The following FBXL2 variants were observed in gnomAD, a reference collection of about 807,000 sequenced individuals.
FBXL2 encodes F-box and leucine rich repeat protein 2.
A neutral mutation model predicts 69.2 loss-of-function variants in FBXL2; 38 were observed. The observed-to-expected ratio is 0.55, with a 90% CI of 0.42 to 0.72. The LOEUF is 0.72. Among genes scored for constraint, FBXL2 ranks in the 30% least tolerant of loss-of-function variants. The pLI, the probability that FBXL2 is intolerant of heterozygous loss-of-function variation, is 0.00. For synonymous variants in FBXL2, 192 were observed against 201.3 expected, an observed-to-expected ratio of 0.95 and a Z score of 0.39; for missense variants, 354 against 520.3, an observed-to-expected ratio of 0.68 and a Z score of 3.11.
At chr3:33,411,587 G>A in the FBXL2 span, 92 of 1,614,008 alleles carry the variant, frequency 5.7e-5, 1 homozygote, top group South Asian at 9.8e-4. Flanking sequence ...AAACCTGAAT[G>A]AAAGCAGAGG....
At chr3:33,359,413 C>A in intron 4 of FBXL2, 56 bp downstream of exon 4, 1 of 1,243,128 alleles carries the variant, frequency 8.0e-7, no homozygotes, top group East Asian at 2.4e-5. Context: ...TAGCTGTTCC[C>A]CCTTTCCTGA....
Position 33,374,505 on chromosome 3 carries a change from G to A in FBXL2, c.657+584G>A, listed in dbSNP as rs17030484. ...GGAACATAGATTTTGAGAAAGGTAAGGGAAAACCCTTGCATTCAGCTTTAA... is the reference window on the plus strand; with the variant it reads ...GGAACATAGATTTTGAGAAAGGTAAAGGAAAACCCTTGCATTCAGCTTTAA... On this transcript the variant is annotated intron_variant, in intron 9 of 14. Transcript: ENST00000484457. Among the ~76,000 whole-genome samples, 868 of 152,288 alleles carry A rather than the reference G, an allele frequency of 5.7e-3. 7 individuals carry two copies. Among genetic ancestry groups the A allele is most frequent in the African/African-American group, 0.019 (806 of 41,546 alleles).
At chr3:33,289,971 T>C (rs911971058) in intron 1 of FBXL2, among the ~76,000 whole-genome samples, 2 of 152,162 alleles carry the variant, frequency 1.3e-5, no homozygotes, top group Non-Finnish European at 2.9e-5. Flanking sequence ...CAAGCCAGCC[T>C]TTGAGAAGGC....
At chr3:33,295,659 A>G (rs1371461311) in intron 1 of FBXL2, among the ~76,000 whole-genome samples, 2 of 152,200 alleles carry the variant, frequency 1.3e-5, no homozygotes, top group Non-Finnish European at 2.9e-5. Context: ...AGGAACTGCC[A>G]GATTGTTTTC....
At chr3:33,315,506 T>G (rs957377406) in intron 2 of FBXL2, among the ~76,000 whole-genome samples, 3 of 152,098 alleles carry the variant, frequency 2.0e-5, no homozygotes, top group Non-Finnish European at 4.4e-5. Context: ...ATCTTAGTAT[T>G]AACTGTGAAC....
rs1229963962 is a variant in FBXL2, at chr3:33,385,397, A to C, written c.1165-104A>C. ...TATAGCATAAATTCTACTTCAACTA[A>C]GGTGAAGATTTTTAATAGAGGACTA... On this transcript the variant is annotated intron_variant, in intron 14 of 14. Coordinates refer to ENST00000484457, the MANE Select transcript of FBXL2 (RefSeq NM_012157.5). 4.9e-6 allele frequency: 5 copies of C among 1,019,004 alleles called. No individual in the cohort carries two copies. In the East Asian group the frequency reaches 1.2e-4, roughly 24 times the overall value. The allele number at this position is 1,019,004 out of a possible 1,614,324, so 63.1% of individuals were successfully genotyped here.
At chr3:33,301,657 C>A (rs1487360519) in intron 2 of FBXL2, among the ~76,000 whole-genome samples, 1 of 152,092 alleles carries the variant, frequency 6.6e-6, no homozygotes, top group Non-Finnish European at 1.5e-5. Flanking sequence ...AGCTCTTGCT[C>A]ATAAATTAAG....
intron 2 of FBXL2, among the ~76,000 whole-genome samples, chr3:33,306,336 A>C (rs1271146221): frequency 2.6e-5 from 4 of 152,134 alleles, no homozygotes; most frequent in African/African-American, 9.6e-5. Context: ...CCTTGTAGAC[A>C]CCACGTAAGT....
intron 1 of FBXL2, among the ~76,000 whole-genome samples, chr3:33,287,771 C>T (rs1262773903): frequency 6.6e-6 from 1 of 152,202 alleles, no homozygotes; most frequent in Non-Finnish European, 1.5e-5. Context: ...GGCTCTTAAC[C>T]ATTACATTAT....
At chr3:33,402,006 C>T (rs1559673542) in intron 12 of FBXL2, among the ~76,000 whole-genome samples, 1 of 151,852 alleles carries the variant, frequency 6.6e-6, no homozygotes, top group East Asian at 1.9e-4. Context: ...TCCATCTCCT[C>T]AGGGGGAGAG....
At chr3:33,292,667 A>G (rs1321648931) in intron 1 of FBXL2, among the ~76,000 whole-genome samples, 1 of 152,162 alleles carries the variant, frequency 6.6e-6, no homozygotes, top group African/African-American at 2.4e-5. Context: ...CCTCCTTATT[A>G]GTAATTACTA....
At chr3:33,319,731 A>G (rs1186196476) in intron 2 of FBXL2, among the ~76,000 whole-genome samples, 1 of 152,188 alleles carries the variant, frequency 6.6e-6, no homozygotes, top group Non-Finnish European at 1.5e-5. Context: ...TATTTTTTTA[A>G]AAAATTGAAA....
At chr3:33,378,307 G>A (rs553428984) in intron 12 of FBXL2, among the ~76,000 whole-genome samples, 160 bp downstream of exon 12, 15 of 152,316 alleles carry the variant, frequency 9.8e-5, no homozygotes, top group Admixed American at 9.8e-4. Context: ...CAGTGGATGC[G>A]TGAACTTTTG....
At chr3:33,329,395 A>G (rs2038974793) in intron 2 of FBXL2, among the ~76,000 whole-genome samples, 1 of 152,172 alleles carries the variant, frequency 6.6e-6, no homozygotes, top group South Asian at 2.1e-4. Flanking sequence ...CTACCATGTG[A>G]TCCAGTAATT....
intron 2 of FBXL2, among the ~76,000 whole-genome samples, chr3:33,326,474 C>A (rs1411755641): frequency 1.3e-5 from 2 of 151,338 alleles, no homozygotes; most frequent in African/African-American, 2.4e-5. Context: ...CCACTGCACT[C>A]CAGCCTGGGC....
chr3:33,280,257 G>T lies in FBXL2; in HGVS notation c.3+2742G>T, dbSNP rs1438051539. The stretch of plus-strand genomic sequence containing the variant: ...GAGTTTCTCCTGTCACATCAGTTCA[G>T]TTAAGGAATTGGCATCCGCTTTTTG... On this transcript the variant is annotated intron_variant, in intron 1 of 14. Transcript: ENST00000484457. Among the ~76,000 whole-genome samples, 6 of 152,212 alleles carry T rather than the reference G, an allele frequency of 3.9e-5. No homozygotes were observed. In the East Asian group the frequency reaches 1.2e-3, roughly 29 times the overall value.
At chr3:33,406,601 A>G (rs1413755968), downstream of FBXL2, among the ~76,000 whole-genome samples, 2 of 152,228 alleles carry the variant, frequency 1.3e-5, no homozygotes, top group African/African-American at 4.8e-5. Context: ...ATGTAGAAAC[A>G]CCAAGTTTAC....
intron 2 of FBXL2, among the ~76,000 whole-genome samples, chr3:33,300,131 G>A (rs2036138073): frequency 6.6e-6 from 1 of 152,068 alleles, no homozygotes; most frequent in South Asian, 2.1e-4. Flanking sequence ...AAACATTAGG[G>A]TGTGATTAAA....
At chr3:33,404,433 A>G (rs1453283419), downstream of FBXL2, among the ~76,000 whole-genome samples, 4 of 151,860 alleles carry the variant, frequency 2.6e-5, no homozygotes, top group South Asian at 2.1e-4. Context: ...AAATAGATAA[A>G]TAAGTAAATA....
Sources: gnomAD v4.1 joint callset for allele counts (sites outside exome capture counted in the v4.1 genomes callset) on GRCh38, gnomAD v4.1.1 for gene constraint, MANE v1.5 for transcripts, NCBI Gene and HGNC (gene_info 2026-07-23, HGNC 2026-07-21) for gene names.